The following IQCM variants were observed in gnomAD, a reference collection of about 807,000 sequenced individuals.
The protein encoded by IQCM is IQ domain-containing protein M.
IQCM carries 45 observed loss-of-function variants against 57.6 expected under a neutral mutation model. The observed-to-expected ratio is 0.78, with a 90% CI of 0.62 to 1.00. The LOEUF (loss-of-function observed/expected upper bound fraction) is 1.00, where lower values mean the gene tolerates loss of function less well. Ranked by LOEUF, IQCM falls within the 50% of genes least tolerant of loss-of-function variation. The probability of loss-of-function intolerance (pLI) is 0.00; values close to 1 mark genes in which losing one functional copy is unlikely to be tolerated. For synonymous variants in IQCM, 148 were observed against 158.9 expected (o/e 0.93, Z 0.51); for missense variants, 468 against 511.6 (o/e 0.91, Z 0.82).
chr4:149,663,852 G>C (rs933299746), intron 7 of IQCM, among the ~76,000 whole-genome samples: 9 of 151,968 alleles, frequency 5.9e-5, no homozygotes, highest in Non-Finnish European at 1.2e-4. Context: ...GAAATTCCAG[G>C]ATCTTGATGA....
At chr4:149,438,040 G>C (rs973221336) in intron 12 of IQCM, among the ~76,000 whole-genome samples, 2 of 152,012 alleles carry the variant, frequency 1.3e-5, no homozygotes, top group African/African-American at 2.4e-5. Flanking sequence ...GTGTACCAGG[G>C]AGACTTGTGG....
chr4:149,725,405 G>A (rs536010488), intron 5 of IQCM, among the ~76,000 whole-genome samples: 1 of 152,230 alleles, frequency 6.6e-6, no homozygotes, highest in South Asian at 2.1e-4. Flanking sequence ...TAGATCCAAA[G>A]TACAGAGCTA....
At chr4:149,772,613 T>C (rs1770693153) in intron 2 of IQCM, among the ~76,000 whole-genome samples, 1 of 152,184 alleles carries the variant, frequency 6.6e-6, no homozygotes, top group African/African-American at 2.4e-5. Context: ...ACTTTGGAAT[T>C]TGGGCAGTAG....
At chr4:149,674,886 G>A (rs1333366618) in intron 7 of IQCM, among the ~76,000 whole-genome samples, 1 of 152,014 alleles carries the variant, frequency 6.6e-6, no homozygotes, top group Non-Finnish European at 1.5e-5. Context: ...TTAAAAACTT[G>A]ATATCTGGGC....
At chr4:149,621,636 T>C (rs1334841011) in intron 7 of IQCM, among the ~76,000 whole-genome samples, 2 of 152,184 alleles carry the variant, frequency 1.3e-5, no homozygotes, top group Non-Finnish European at 2.9e-5. Flanking sequence ...TTACATACTT[T>C]AAAAGAAAAT....
chr4:149,354,192 G>A (rs994669990), intron 13 of IQCM, among the ~76,000 whole-genome samples: 9 of 149,288 alleles, frequency 6.0e-5, no homozygotes, highest in Middle Eastern at 3.2e-3. Flanking sequence ...GTGAAACCCC[G>A]TCTCTACTAA....
intron 10 of IQCM, among the ~76,000 whole-genome samples, chr4:149,553,847 T>A (rs569622115): frequency 1.3e-5 from 2 of 152,186 alleles, no homozygotes; most frequent in Non-Finnish European, 2.9e-5. Flanking sequence ...TACCTGTGAC[T>A]ACATTCTTCT....
At chr4:149,467,931 C>G (rs372394275) in intron 12 of IQCM, among the ~76,000 whole-genome samples, 22 of 152,148 alleles carry the variant, frequency 1.4e-4, no homozygotes, top group African/African-American at 5.3e-4. Flanking sequence ...ATGCAGGGCA[C>G]AGAGTAGGGT....
rs1768219100 is a variant in IQCM, at chr4:149,749,359, T to C, written c.-48-6620A>G. ...TATTTATACAATGGAATATTTCACA[T>C]CAGTGAAAATAAACTGGTATATTCA... On this transcript the variant is annotated intron_variant, in intron 2 of 13. Transcript: ENST00000636793. 3.3e-5 allele frequency among the ~76,000 whole-genome samples: 5 copies of C among 152,218 alleles called. No individual in the cohort carries two copies. In the South Asian group the frequency reaches 1.0e-3, roughly 32 times the overall value.
chr4:149,555,108 C>T (rs1749455275), intron 10 of IQCM, among the ~76,000 whole-genome samples: 1 of 152,084 alleles, frequency 6.6e-6, no homozygotes, highest in Non-Finnish European at 1.5e-5. Context: ...TTACTACCCT[C>T]CTCTTCTCCT....
chr4:149,439,118 T>C (rs1057391025), intron 12 of IQCM, among the ~76,000 whole-genome samples: 15 of 152,100 alleles, frequency 9.9e-5, no homozygotes, highest in African/African-American at 3.6e-4. Context: ...GTTAAATGTA[T>C]GAAAATTGTG....
At position 149,455,581 on chromosome 4, in the gene IQCM, C is replaced by A. The variant is rs554423502; in HGVS notation, c.1229-22024G>T. 3.9e-5 allele frequency among the ~76,000 whole-genome samples: 6 copies of A among 152,190 alleles called. No individual in the cohort carries two copies. In the South Asian group the frequency reaches 1.2e-3, roughly 32 times the overall value. Reference sequence around the variant, plus strand: ...ATTCCTTTGTTGAGCAAACTGAGCACCTACTATGTGCTAGATACAAGAAAT... The same window carrying A: ...ATTCCTTTGTTGAGCAAACTGAGCAACTACTATGTGCTAGATACAAGAAAT... On this transcript the variant is annotated intron_variant, in intron 12 of 13. Transcript: ENST00000636793.
intron 12 of IQCM, among the ~76,000 whole-genome samples, chr4:149,500,864 A>G (rs1306778971): frequency 6.6e-6 from 1 of 152,206 alleles, no homozygotes; most frequent in African/African-American, 2.4e-5. Context: ...CAGCAAAATC[A>G]CATGATATTT....
At chr4:149,755,943 C>G (rs1229958747) in intron 2 of IQCM, among the ~76,000 whole-genome samples, 3 of 152,108 alleles carry the variant, frequency 2.0e-5, no homozygotes, top group African/African-American at 7.2e-5. Flanking sequence ...ACCATTGGTA[C>G]CAAAGTCCAA....
intron 10 of IQCM, among the ~76,000 whole-genome samples, chr4:149,558,541 C>A (rs1452520187): frequency 6.6e-6 from 1 of 152,138 alleles, no homozygotes; most frequent in African/African-American, 2.4e-5. Context: ...ATCTAATAAA[C>A]AAATATATGT....
intron 8 of IQCM, among the ~76,000 whole-genome samples, chr4:149,602,142 A>G (rs1292039781): frequency 6.6e-6 from 1 of 152,064 alleles, no homozygotes; most frequent in African/African-American, 2.4e-5. Context: ...TATAAAAACT[A>G]TTTACATGCT....
intron 5 of IQCM, among the ~76,000 whole-genome samples, chr4:149,706,417 C>G (rs578211044): frequency 6.6e-6 from 1 of 151,940 alleles, no homozygotes; most frequent in East Asian, 1.9e-4. Context: ...AATGTTAAAT[C>G]AGAGTGTGTC....
At chr4:149,780,792 T>G (rs1771534906) in intron 2 of IQCM, among the ~76,000 whole-genome samples, 1 of 152,080 alleles carries the variant, frequency 6.6e-6, no homozygotes, top group African/African-American at 2.4e-5. Context: ...AGTAAATGGT[T>G]GCACATGGGG....
At chr4:149,694,464 G>A (rs1011047560) in intron 5 of IQCM, among the ~76,000 whole-genome samples, 5 of 151,738 alleles carry the variant, frequency 3.3e-5, no homozygotes, top group Non-Finnish European at 7.4e-5. Context: ...CTCAGATACC[G>A]TAGATAATAT....
Sources: allele counts gnomAD v4.1 joint callset (sites outside exome capture counted in the v4.1 genomes callset), GRCh38; gene constraint gnomAD v4.1.1; transcripts MANE v1.5; gene names NCBI Gene and HGNC (gene_info 2026-07-23, HGNC 2026-07-21).